Variants in PIGO observed in about 807,000 individuals in gnomAD.
PIGO encodes the protein phosphatidylinositol glycan anchor biosynthesis class O, also known as GPI ethanolamine phosphate transferase 3, catalytic subunit.
In PIGO, 66 loss-of-function variants were observed where a neutral mutation model predicts 86.9. The observed-to-expected ratio is 0.76, with a 90% confidence interval of 0.62 to 0.93. PIGO has a LOEUF of 0.93. Among genes scored for constraint, PIGO ranks in the 40% least tolerant of loss-of-function variants. The pLI is 0.00. For synonymous variants in PIGO, 570 were observed against 556.4 expected (o/e 1.02, Z -0.34); for missense variants, 1,202 against 1,359.1 (o/e 0.88, Z 1.82).
At chr9:35,089,668 T>C (rs1391110638) in intron 9 of PIGO, 1 of 1,429,706 alleles carries the variant, frequency 7.0e-7, no homozygotes, top group Non-Finnish European at 9.1e-7. Flanking sequence ...TCAGTATCCA[T>C]CTGCAATGCT....
Position 35,090,589 on chromosome 9 carries a change from C to T in PIGO, c.2731G>A (p.Val911Ile), listed in dbSNP as rs779624264. 6.2e-7 allele frequency: 1 copy of T among 1,614,234 alleles called. No homozygotes were observed. The highest frequency in any genetic ancestry group is 1.1e-5 in the South Asian group (1 of 91,086). ...GCATGCCAATGGATGGCTGGAAAGACAGGCTGGTGGCCTGTGGAGTAGAAG... is the reference window on the plus strand; with the variant it reads ...GCATGCCAATGGATGGCTGGAAAGATAGGCTGGTGGCCTGTGGAGTAGAAG... ...QTFYSTGHQP[V>I]FPAIHWHAAF... Residue 911 changes from valine to isoleucine, a missense_variant, in exon 8 of 11, where the codon GTC becomes ATC. Coordinates refer to ENST00000378617, the MANE Select transcript of PIGO (RefSeq NM_032634.4).
chr9:35,090,672 CCTGGAAGAAAAGAT>C lies in PIGO; in HGVS notation c.2648-14_2648-1del, dbSNP rs748610841. The C allele has an allele frequency of 6.2e-7, 1 of 1,613,588 alleles. No homozygotes were observed. On this transcript the variant is annotated splice_acceptor_variant and splice_polypyrimidine_tract_variant and intron_variant, in intron 7 of 10. Transcript: ENST00000378617. LOFTEE classifies it high-confidence loss of function. ...TGCCTGCCATGGCACAGTAAAAGGA[CCTGGAAGAAAAGAT>C]ATGCCACGTTACAGTCACTTCTTAT...
intron 7 of PIGO, 118 bp from the exon 8 acceptor site, chr9:35,090,790 C>G (rs1829384481): frequency 1.0e-6 from 1 of 960,132 alleles, no homozygotes; most frequent in Non-Finnish European, 1.5e-6. Flanking sequence ...ACTCAAATGC[C>G]TATCAGCCCA....
At chr9:35,090,774 A>G (rs1829383437) in intron 7 of PIGO, 102 bp from the exon 8 acceptor site, 1 of 1,140,216 alleles carries the variant, frequency 8.8e-7, no homozygotes, top group South Asian at 1.5e-5. Context: ...ATCAATTCTC[A>G]TACACACTCA....
chr9:35,088,999 G>T lies in PIGO; in HGVS notation c.*93C>A. 1 of 1,538,506 alleles carries T rather than the reference G, an allele frequency of 6.5e-7. No homozygotes were observed. The highest frequency in any genetic ancestry group is 8.8e-7 in the Non-Finnish European group (1 of 1,130,346). ...TGCATGATAGTAAGAGTATGGCTGA[G>T]CCTGTCTTGCAGATCATCCAGTACC... On this transcript the variant is annotated 3_prime_UTR_variant, in exon 11 of 11. Transcript: ENST00000378617.
At position 35,092,285 on chromosome 9, in the gene PIGO, C is replaced by T. The variant is rs753546779; in HGVS notation, c.1602G>A (p.Gly534=). 8 of 1,614,160 alleles carry T rather than the reference C, an allele frequency of 5.0e-6. No homozygotes were observed. The highest frequency in any genetic ancestry group is 1.6e-4 in the Middle Eastern group (1 of 6,062). The change falls in exon 7 of 11, where the codon GGG becomes GGA. Residue 534 remains glycine, a synonymous_variant. Coordinates refer to ENST00000378617, the MANE Select transcript of PIGO (RefSeq NM_032634.4). The part of the protein sequence containing the change: ...PFLWKAWAGW[G]SKRPLATLFP... ...ACAGGGTTGCCAGGGGCCTCTTGGA[C>T]CCCCAGCCAGCCCAGGCTTTCCACA...
chr9:35,091,698 G>T lies in PIGO; in HGVS notation c.2189C>A (p.Pro730His), dbSNP rs561174794. Residue 730 changes from proline to histidine, a missense_variant, in exon 7 of 11, where the codon CCC becomes CAC. Transcript: ENST00000378617. Reference sequence around the variant, plus strand: ...CCCAGAGACCAGGACCCGGAGACGGGGGGGAGCCTCATCTGCCCCCGACGC... The same window carrying T: ...CCCAGAGACCAGGACCCGGAGACGGTGGGGAGCCTCATCTGCCCCCGACGC... ...ALASGADEAPPRLRVLVSGAS... is the reference protein window; with the variant it reads ...ALASGADEAPHRLRVLVSGAS... 34 of 1,612,510 alleles carry T rather than the reference G, an allele frequency of 2.1e-5. No individual in the cohort carries two copies. In the South Asian group the frequency reaches 2.2e-4, roughly 10 times the overall value.
At chr9:35,089,627 A>G in intron 9 of PIGO, 177 bp from the exon 10 acceptor site, 4 of 1,450,398 alleles carry the variant, frequency 2.8e-6, no homozygotes, top group Non-Finnish European at 2.7e-6. Flanking sequence ...CCCTGCCCCA[A>G]GCACTGACTC....
At position 35,091,222 on chromosome 9, in the gene PIGO, C is replaced by T; in HGVS notation, c.2647+18G>A. 1 of 1,561,238 alleles carries T rather than the reference C, an allele frequency of 6.4e-7. No homozygotes were observed. ...ACATCACTATTGTCTTTAAGTGAATCAGAGCTGAGATATTTACCAGGGGTG... is the reference window on the plus strand; with the variant it reads ...ACATCACTATTGTCTTTAAGTGAATTAGAGCTGAGATATTTACCAGGGGTG... On this transcript the variant is annotated intron_variant, in intron 7 of 10. Coordinates refer to ENST00000378617, the MANE Select transcript of PIGO (RefSeq NM_032634.4).
In PIGO at chr9:35,091,658, C is replaced by G. The variant is rs774194805; in HGVS notation, c.2229G>C (p.Leu743=). ...CAGCCAGCCCTGCTACAGCCCGAGG[C>G]AGCACCATGGATGCCCCAGAGACCA... ...RVLVSGASMV[L]PRAVAGLAAS... is the part of the protein sequence containing the mutation. Residue 743 remains leucine (L), a synonymous_variant, in exon 7 of 11, where the codon CTG becomes CTC. Transcript: ENST00000378617. 1 of 1,613,202 alleles carries G rather than the reference C, an allele frequency of 6.2e-7. No homozygotes were observed. Among genetic ancestry groups the G allele is most frequent in the Non-Finnish European group, 8.5e-7 (1 of 1,180,032 alleles).
At chr9:35,093,678 A>G (rs1829541089) in intron 4 of PIGO, 98 bp from the exon 5 acceptor site, 1 of 1,446,962 alleles carries the variant, frequency 6.9e-7, no homozygotes, top group Non-Finnish European at 9.2e-7. Flanking sequence ...CCCCAGCTAT[A>G]ACTCCATTAG....
In PIGO at chr9:35,092,746, A is replaced by G. The variant is rs1456997229; in HGVS notation, c.1141T>C (p.Tyr381His). 1 of 1,607,364 alleles carries G rather than the reference A, an allele frequency of 6.2e-7. No homozygotes were observed. Among genetic ancestry groups the G allele is most frequent in the East Asian group, 2.2e-5 (1 of 44,858 alleles). ...TGAAGGTCCTGAGTAGCAGCTGAGT[A>G]GGTATGAAGAAATCGGGACACCTGG... ...AQQVSRFLHT[Y>H]SAATQDLQAK... Residue 381 changes from tyrosine (Y) to histidine (H), a missense_variant, in exon 7 of 11, where the codon TAC becomes CAC. Physicochemically the swap from Tyr to His is moderately conservative, Grantham distance 83. Transcript: ENST00000378617.
At chr9:35,089,845 GGTCCA>G in intron 9 of PIGO, 1 of 1,409,966 alleles carries the variant, frequency 7.1e-7, no homozygotes, top group Non-Finnish European at 9.2e-7. Flanking sequence ...CAACTAGCGG[GGTCCA>G]GATCTAGGTT....
At chr9:35,094,838 A>G (rs1829591618) in intron 2 of PIGO, among the ~76,000 whole-genome samples, 1 of 151,110 alleles carries the variant, frequency 6.6e-6, no homozygotes, top group Admixed American at 6.6e-5. Context: ...CTGTCTCCCA[A>G]ACTGAGCTCC....
In PIGO at chr9:35,092,200, C is replaced by T; in HGVS notation, c.1687G>A (p.Asp563Asn). 6.2e-7 allele frequency: 1 copy of T among 1,614,212 alleles called. No homozygotes were observed. The highest frequency in any genetic ancestry group is 8.5e-7 in the Non-Finnish European group (1 of 1,180,040). Residue 563 changes from aspartate to asparagine, a missense_variant, in exon 7 of 11, where the codon GAT (aspartate) becomes AAT (asparagine). Asp to Asn is a conservative substitution (Grantham distance 23, BLOSUM62 1). Coordinates refer to ENST00000378617, the MANE Select transcript of PIGO (RefSeq NM_032634.4). The part of the protein sequence containing the change: ...LLFRLAVFFS[D>N]SFVVAEARAT... ...CTGGCCTCAGCTACAACAAAACTAT[C>T]AGAGAAGAACACAGCCAAGCGAAAC...
rs1425744518 is a variant in PIGO at position 35,096,321 on chromosome 9, T to G, written c.-168A>C. 2 of 152,182 alleles carry G rather than the reference T, an allele frequency of 1.3e-5. No homozygotes were observed. The highest frequency in any genetic ancestry group is 1.9e-4 in the East Asian group (1 of 5,168). 9.4% of individuals were successfully genotyped at this position (152,182 alleles called of 1,614,324 possible). On this transcript the variant is annotated 5_prime_UTR_variant, in exon 1 of 11. Transcript: ENST00000378617. ...GGGCGGCCAGGTTCGCCAGGAGACC[T>G]GAGGCACGACCTTCGCCACGCAAGG...
chr9:35,091,942 G>T lies in PIGO; in HGVS notation c.1945C>A (p.His649Asn), dbSNP rs759688557. 1 of 1,614,220 alleles carries T rather than the reference G, an allele frequency of 6.2e-7. No homozygotes were observed. Among genetic ancestry groups the T allele is most frequent in the South Asian group, 1.1e-5 (1 of 91,088 alleles). The change falls in exon 7 of 11, where the codon CAC becomes AAC. Residue 649 changes from histidine (H) to asparagine (N), a missense_variant. Coordinates refer to ENST00000378617, the MANE Select transcript of PIGO (RefSeq NM_032634.4). ...HRCPEETPVC[H>N]SSPWLSPLAS... ...AGAGGACTCAGCCAGGGAGAGGAGT[G>T]GCAAACAGGTGTCTCTTCAGGGCAA...
In PIGO at chr9:35,091,948, C is replaced by T. The variant is rs767837109; in HGVS notation, c.1939G>A (p.Val647Ile). 6.2e-7 allele frequency: 1 copy of T among 1,614,216 alleles called. No individual in the cohort carries two copies. The highest frequency in any genetic ancestry group is 8.5e-7 in the Non-Finnish European group (1 of 1,180,044). The change falls in exon 7 of 11, where the codon GTT becomes ATT. Residue 647 changes from valine to isoleucine, a missense_variant. Physicochemically the swap from Val to Ile is conservative, Grantham distance 29 (BLOSUM62 3). Transcript: ENST00000378617. ...LFHRCPEETP[V>I]CHSSPWLSPL... ...CTCAGCCAGGGAGAGGAGTGGCAAA[C>T]AGGTGTCTCTTCAGGGCAACGATGA...
At position 35,091,086 on chromosome 9, in the gene PIGO, A is replaced by T; in HGVS notation, c.2647+154T>A. The T allele has an allele frequency of 3.6e-6, 3 of 840,338 alleles. No homozygotes were observed. In the South Asian group the frequency reaches 5.5e-5, roughly 15 times the overall value. 52.1% of individuals were successfully genotyped at this position (840,338 alleles called of 1,614,324 possible). A position where few individuals can be genotyped will look rare whatever the true frequency, so the allele number is the denominator to read the frequency against. On this transcript the variant is annotated intron_variant, in intron 7 of 10. Transcript: ENST00000378617. ...ATCAATTTGCTTGGCTATGGCAGGT[A>T]AGAGAGAGGACACCAAGAAGACCTT...
Sources: allele counts gnomAD v4.1 joint callset (sites outside exome capture counted in the v4.1 genomes callset), GRCh38; gene constraint gnomAD v4.1.1; transcripts MANE v1.5; gene names NCBI Gene and HGNC (gene_info 2026-07-23, HGNC 2026-07-21).